BMAL2: variants seen among roughly 807,000 people sequenced by gnomAD.
BMAL2 encodes basic helix-loop-helix ARNT-like protein 2.
At chr12:27,376,205 G>A in the BMAL2 span, 8 of 673,492 alleles carry the variant, frequency 1.2e-5, 1 homozygote, top group South Asian at 1.6e-4. Flanking sequence ...AGGTCATTAG[G>A]TGCTCAAGGG....
At chr12:27,425,282 A>G in the BMAL2 span, 2 of 152,030 alleles carry the variant, frequency 1.3e-5, no homozygotes, top group Admixed American at 6.6e-5. Context: ...AACTTCCTCC[A>G]AAAAGTGCTC....
the BMAL2 span, among the ~76,000 whole-genome samples, chr12:27,344,224 C>T: frequency 1.3e-5 from 2 of 152,286 alleles, no homozygotes; most frequent in African/African-American, 4.8e-5. Flanking sequence ...CCCTAGATTG[C>T]ATTCCTTTAG....
At chr12:27,354,454 A>G in the BMAL2 span, among the ~76,000 whole-genome samples, 1 of 152,124 alleles carries the variant, frequency 6.6e-6, no homozygotes, top group Admixed American at 6.6e-5. Context: ...GGGTTAAAAA[A>G]TTACCTATTG....
chr12:27,362,283 G>A, the BMAL2 span, among the ~76,000 whole-genome samples: 2 of 152,166 alleles, frequency 1.3e-5, no homozygotes, highest in Non-Finnish European at 2.9e-5. Context: ...AGGAGCTGAA[G>A]CCATATTTGA....
chr12:27,420,433 C>T, the BMAL2 span: 1 of 1,613,990 alleles, frequency 6.2e-7, no homozygotes, highest in Non-Finnish European at 8.5e-7. Flanking sequence ...CCCTATGTGA[C>T]AATGATGACA....
At chr12:27,373,108 G>A in the BMAL2 span, among the ~76,000 whole-genome samples, 1 of 152,184 alleles carries the variant, frequency 6.6e-6, no homozygotes, top group Non-Finnish European at 1.5e-5. Context: ...CAGGCAGAGA[G>A]AACAACAGAG....
chr12:27,348,869 G>C, the BMAL2 span, among the ~76,000 whole-genome samples: 1 of 150,632 alleles, frequency 6.6e-6, no homozygotes, highest in Non-Finnish European at 1.5e-5. Context: ...TTAGTAAAAA[G>C]AGAATTAAGT....
At chr12:27,389,060 C>A in the BMAL2 span, 1 of 761,124 alleles carries the variant, frequency 1.3e-6, no homozygotes, top group Non-Finnish European at 2.3e-6. Context: ...GTGTCGTGGA[C>A]ATATCTTTGA....
chr12:27,351,790 A>ATGTCC, the BMAL2 span, among the ~76,000 whole-genome samples: 1 of 152,156 alleles, frequency 6.6e-6, no homozygotes, highest in Admixed American at 6.5e-5. Flanking sequence ...GTGGTGTGGC[A>ATGTCC]TGCCCACTCC....
At chr12:27,378,320 T>C in the BMAL2 span, among the ~76,000 whole-genome samples, 1 of 152,188 alleles carries the variant, frequency 6.6e-6, no homozygotes, top group Non-Finnish European at 1.5e-5. Context: ...ATAAGGGTAG[T>C]GGTATGAAAG....
the BMAL2 span, among the ~76,000 whole-genome samples, chr12:27,395,561 G>GA: frequency 0.013 from 1,901 of 150,010 alleles, 14 homozygotes; most frequent in South Asian, 0.03. Context: ...ATAGGTTTAA[G>GA]AAAAAAAAAC....
the BMAL2 span, among the ~76,000 whole-genome samples, chr12:27,346,436 T>C: frequency 6.6e-6 from 1 of 152,150 alleles, no homozygotes; most frequent in Non-Finnish European, 1.5e-5. Context: ...CTAATTTTTG[T>C]ATTTTTAGTA....
the BMAL2 span, chr12:27,400,646 C>T: frequency 1.2e-6 from 2 of 1,613,980 alleles, no homozygotes; most frequent in East Asian, 4.5e-5. Flanking sequence ...GTAATTTTAC[C>T]TGCCTTGTGG....
the BMAL2 span, among the ~76,000 whole-genome samples, chr12:27,366,952 C>A: frequency 5.3e-5 from 8 of 152,234 alleles, no homozygotes; most frequent in Non-Finnish European, 1.2e-4. Context: ...CCCCTCTTAC[C>A]CATGGCGGAT....
the BMAL2 span, among the ~76,000 whole-genome samples, chr12:27,400,349 A>T: frequency 6.6e-6 from 1 of 152,202 alleles, no homozygotes; most frequent in African/African-American, 2.4e-5. Flanking sequence ...ATCTATTAAT[A>T]ATAAAGTCAT....
the BMAL2 span, among the ~76,000 whole-genome samples, chr12:27,386,562 A>G: frequency 6.6e-6 from 1 of 152,178 alleles, no homozygotes; most frequent in East Asian, 1.9e-4. Context: ...CTGTCCTTCT[A>G]CCTCAACACA....
the BMAL2 span, chr12:27,387,417 A>T: frequency 2.5e-6 from 2 of 790,386 alleles, no homozygotes; most frequent in South Asian, 1.6e-5. Context: ...CCCCACTGGG[A>T]TATGGGATTA....
the BMAL2 span, among the ~76,000 whole-genome samples, chr12:27,362,472 G>T: frequency 6.6e-6 from 1 of 152,156 alleles, no homozygotes; most frequent in African/African-American, 2.4e-5. Flanking sequence ...TAAAAATAAT[G>T]TGTACTGTTT....
the BMAL2 span, chr12:27,385,586 T>G: frequency 2.0e-6 from 3 of 1,476,000 alleles, no homozygotes; most frequent in East Asian, 6.8e-5. Context: ...TTTGTCTAAG[T>G]TGTGTATGTG....
Sources: allele counts gnomAD v4.1 joint callset (sites outside exome capture counted in the v4.1 genomes callset), GRCh38; gene constraint gnomAD v4.1.1; transcripts MANE v1.5; gene names NCBI Gene and HGNC (gene_info 2026-07-23, HGNC 2026-07-21).